The following RERG variants were observed in gnomAD, a reference collection of about 807,000 sequenced individuals.
RERG encodes the protein RAS like estrogen regulated growth inhibitor.
A neutral mutation model predicts 23.2 loss-of-function variants in RERG; 25 were observed. The ratio of observed to expected loss-of-function variants is 1.08; its 90% CI spans 0.79 to 1.50. The LOEUF is 1.50. RERG is among the 40% of genes most tolerant of loss of function. RERG has a pLI of 0.00. For missense variants in RERG, 253 were observed against 250.1 expected (o/e 1.01, Z -0.08); for synonymous variants, 81 against 89.1 (o/e 0.91, Z 0.51).
chr12:15,203,164 A>G lies in RERG; in HGVS notation c.61+14265T>C, dbSNP rs372756532. Among the ~76,000 whole-genome samples, 18 of 151,780 alleles carry G rather than the reference A, an allele frequency of 1.2e-4. No homozygotes were observed. The East Asian group carries it at 1.7e-3, about 15-fold the overall frequency. On this transcript the variant is annotated intron_variant, in intron 2 of 4. Transcript: ENST00000256953. ...TTCTCAGTTTTAAATTTTTAGATTT[A>G]GACTTTTGTTTTTGTTTTTGCTGAG...
chr12:15,176,571 GTA>G (rs1864854115), intron 2 of RERG, among the ~76,000 whole-genome samples: 1 of 152,092 alleles, frequency 6.6e-6, no homozygotes, highest in Admixed American at 6.5e-5. Flanking sequence ...ACTTGACTGA[GTA>G]TATAAACCTA....
intron 2 of RERG, among the ~76,000 whole-genome samples, chr12:15,187,847 C>T (rs984564206): frequency 6.6e-6 from 1 of 152,080 alleles, no homozygotes; most frequent in African/African-American, 2.4e-5. Flanking sequence ...GTGTGAACCA[C>T]CGTGCCTGGC....
At chr12:15,123,982 T>C (rs2136090572) in intron 2 of RERG, among the ~76,000 whole-genome samples, 1 of 152,248 alleles carries the variant, frequency 6.6e-6, no homozygotes, top group East Asian at 1.9e-4. Flanking sequence ...TTTTCCTCCT[T>C]TTGCCTAATT....
chr12:15,217,258 A>G, intron 2 of RERG, 171 bp downstream of exon 2: 1 of 586,134 alleles, frequency 1.7e-6, no homozygotes. Flanking sequence ...AGGATACGTA[A>G]CAGTCGATTA....
rs375965281 is a variant in RERG at position 15,143,203 on chromosome 12, C to T, written c.62-22084G>A. On this transcript the variant is annotated intron_variant, in intron 2 of 4. Transcript: ENST00000256953. ...TTAAGCACACTAAAAGAAAATTCGA[C>T]GGTAATTAATGAGATTTTCCCTAGA... is the stretch of plus-strand genomic sequence containing the variant. Among the ~76,000 whole-genome samples, 58 of 152,074 alleles carry T rather than the reference C, an allele frequency of 3.8e-4. 1 individual carries two copies. Among genetic ancestry groups the T allele is most frequent in the Non-Finnish European group, 5.4e-4 (37 of 68,008 alleles).
chr12:15,160,666 A>C (rs1233524323), intron 2 of RERG, among the ~76,000 whole-genome samples: 1 of 152,212 alleles, frequency 6.6e-6, no homozygotes, highest in African/African-American at 2.4e-5. Context: ...AATTATGATC[A>C]TGCTTTGTCC....
chr12:15,188,072 T>A (rs1365464517), intron 2 of RERG, among the ~76,000 whole-genome samples: 1 of 152,138 alleles, frequency 6.6e-6, no homozygotes, highest in African/African-American at 2.4e-5. Context: ...AATACTTGTA[T>A]CTTAAGGATG....
intron 2 of RERG, among the ~76,000 whole-genome samples, chr12:15,135,889 T>G (rs1864136320): frequency 6.6e-6 from 1 of 152,150 alleles, no homozygotes; most frequent in South Asian, 2.1e-4. Context: ...TGCCTGCTTT[T>G]GGTATTAGGA....
chr12:15,186,110 C>G (rs1864986220), intron 2 of RERG, among the ~76,000 whole-genome samples: 1 of 151,822 alleles, frequency 6.6e-6, no homozygotes, highest in East Asian at 1.9e-4. Context: ...GTTGAACAAA[C>G]AAGACTTAGA....
rs546843115 is a variant in RERG at position 15,136,450 on chromosome 12, CTCT to C, written c.62-15334_62-15332del. Among the ~76,000 whole-genome samples the C allele has an allele frequency of 8.6e-5, 13 of 151,896 alleles. No individual in the cohort carries two copies. The East Asian group carries it at 2.3e-3, about 27-fold the overall frequency. ...TTCTGTTTATTTTGTGTTTAATTCA[CTCT>C]TCTATTTCTAGTTTCCTAGAAATAG... is the stretch of plus-strand genomic sequence containing the variant. On this transcript the variant is annotated intron_variant, in intron 2 of 4. Coordinates refer to ENST00000256953, the MANE Select transcript of RERG (RefSeq NM_032918.3).
intron 2 of RERG, among the ~76,000 whole-genome samples, chr12:15,199,961 T>C (rs1448535839): frequency 6.6e-6 from 1 of 152,038 alleles, no homozygotes; most frequent in Non-Finnish European, 1.5e-5. Context: ...TTTGGGCCAT[T>C]CAAACTAATA....
chr12:15,143,372 T>A, intron 2 of RERG, among the ~76,000 whole-genome samples: 1 of 151,506 alleles, frequency 6.6e-6, no homozygotes. Flanking sequence ...ATATAATATA[T>A]ACACACATGT....
intron 2 of RERG, among the ~76,000 whole-genome samples, chr12:15,134,465 T>C (rs1864109517): frequency 6.6e-6 from 1 of 152,136 alleles, no homozygotes. Flanking sequence ...TCCATTGGTC[T>C]ATTTATCTAT....
At chr12:15,125,003 C>G (rs1009968955) in intron 2 of RERG, among the ~76,000 whole-genome samples, 1 of 151,852 alleles carries the variant, frequency 6.6e-6, no homozygotes, top group South Asian at 2.1e-4. Flanking sequence ...GTACAACATT[C>G]ATATAATAAT....
chr12:15,185,278 T>G (rs1864974262), intron 2 of RERG, among the ~76,000 whole-genome samples: 2 of 152,164 alleles, frequency 1.3e-5, no homozygotes, highest in South Asian at 4.1e-4. Flanking sequence ...ATCAATCCTC[T>G]TTCACAATAT....
chr12:15,110,979 GC>G (rs1863603734), intron 4 of RERG: 2 of 167,860 alleles, frequency 1.2e-5, no homozygotes, highest in Non-Finnish European at 1.3e-5. Flanking sequence ...CCTGTTAGAG[GC>G]TCTGAGAATT....
At chr12:15,134,995 C>A (rs565850788) in intron 2 of RERG, among the ~76,000 whole-genome samples, 74 of 152,232 alleles carry the variant, frequency 4.9e-4, no homozygotes, top group African/African-American at 1.8e-3. Context: ...AATCTGTAGA[C>A]CAAATTGGGA....
chr12:15,158,341 T>TTA (rs886337735), intron 2 of RERG, among the ~76,000 whole-genome samples: 3 of 152,066 alleles, frequency 2.0e-5, no homozygotes, highest in Non-Finnish European at 2.9e-5. Flanking sequence ...GAACACAGTG[T>TTA]TATGATCTTG....
At chr12:15,156,391 A>G (rs1243642846) in intron 2 of RERG, among the ~76,000 whole-genome samples, 1 of 152,186 alleles carries the variant, frequency 6.6e-6, no homozygotes, top group African/African-American at 2.4e-5. Context: ...AGTTCAGGTT[A>G]AGAACCCTGC....
Sources: allele counts gnomAD v4.1 joint callset (sites outside exome capture counted in the v4.1 genomes callset), GRCh38; gene constraint gnomAD v4.1.1; transcripts MANE v1.5; gene names NCBI Gene and HGNC (gene_info 2026-07-23, HGNC 2026-07-21).